The following PTH2 variants were observed in gnomAD, a reference collection of about 807,000 sequenced individuals.
PTH2 encodes the protein parathyroid hormone 2.
Under a neutral mutation model 6.2 loss-of-function variants are expected in PTH2, and 5 were observed. The ratio of observed to expected loss-of-function variants is 0.80; its 90% confidence interval spans 0.42 to 1.69. PTH2 has a LOEUF of 1.69. Ranked by LOEUF, PTH2 falls within the 40% of genes most tolerant of loss-of-function variation. PTH2 has a pLI of 0.02. For missense variants in PTH2, 156 were observed against 142.5 expected, an observed-to-expected ratio of 1.09 and a Z score of -0.48; for synonymous variants, 67 against 73.6, an observed-to-expected ratio of 0.91 and a Z score of 0.46.
At position 49,423,237 on chromosome 19, in the gene PTH2, C is replaced by A. The variant is rs1371724869; in HGVS notation, c.103G>T (p.Ala35Ser). ...CTGAGGACCCCGACCGGGGGCAGGG[C>A]GACTCCCGAGGCAGTGCGGACGCCC... The part of the protein sequence containing the change: ...PWGVRTASGV[A>S]LPPVGVLSLR... Residue 35 changes from alanine (A) to serine (S), a missense_variant, in exon 1 of 2, where the codon GCC becomes TCC. Ala to Ser is a moderately conservative substitution (Grantham distance 99). Coordinates refer to ENST00000270631, the MANE Select transcript of PTH2 (RefSeq NM_178449.4). The A allele has an allele frequency of 7.4e-6, 12 of 1,613,586 alleles. No homozygotes were observed. Among genetic ancestry groups the A allele is most frequent in the Non-Finnish European group, 1.0e-5 (12 of 1,179,794 alleles).
rs1434435869 is a variant in PTH2, at chr19:49,423,395, C to A, written c.-56G>T. On this transcript the variant is annotated 5_prime_UTR_variant, in exon 1 of 2. Transcript: ENST00000270631. Reference sequence around the variant, plus strand: ...AGGGCTGCATCCCGGCCCAGAACCCCGGGCCCCACCATGCATCCACCCCCA... The same window carrying A: ...AGGGCTGCATCCCGGCCCAGAACCCAGGGCCCCACCATGCATCCACCCCCA... 8.5e-6 allele frequency: 13 copies of A among 1,528,474 alleles called. No homozygotes were observed. The East Asian group carries it at 2.7e-4, about 32-fold the overall frequency. 94.7% of individuals were successfully genotyped at this position (1,528,474 alleles called of 1,614,324 possible). A position where few individuals can be genotyped will look rare whatever the true frequency, so the allele number is the denominator to read the frequency against.
In PTH2 at chr19:49,422,630, T is replaced by A. The variant is rs539467964; in HGVS notation, c.141A>T (p.Pro47=). ...TGGCGGGATCCGCCCAGGCCCGTCC[T>A]GGGGGGCGGAGGCTGTGGAGAGACG... ...PPVGVLSLRP[P]GRAWADPATP... is the part of the protein sequence containing the mutation. The change falls in exon 2 of 2, where the codon CCA becomes CCT. Residue 47 remains proline (P), a synonymous_variant. Coordinates refer to ENST00000270631, the MANE Select transcript of PTH2 (RefSeq NM_178449.4). 7.0e-7 allele frequency: 1 copy of A among 1,424,188 alleles called. No individual in the cohort carries two copies. The highest frequency in any genetic ancestry group is 1.6e-5 in the South Asian group (1 of 64,428). The allele number at this position is 1,424,188 out of a possible 1,614,324, so 88.2% of individuals were successfully genotyped here. A position where few individuals can be genotyped will look rare whatever the true frequency, so the allele number is the denominator to read the frequency against.
rs1047206715 is a variant in PTH2 at position 49,422,765 on chromosome 19, GTC to G, written c.129-125_129-124del. On this transcript the variant is annotated intron_variant, in intron 1 of 1. Transcript: ENST00000270631. ...GGAGTGGCTCGGTCCGGCTCCCCCT[GTC>G]TCTCTCGTTCTCTGTGTGGGTCTCT... is the stretch of plus-strand genomic sequence containing the variant. 88 of 890,644 alleles carry G rather than the reference GTC, an allele frequency of 9.9e-5. No individual in the cohort carries two copies. The African/African-American group carries it at 1.0e-3, about 10-fold the overall frequency. 55.2% of individuals were successfully genotyped at this position (890,644 alleles called of 1,614,324 possible). A position where few individuals can be genotyped will look rare whatever the true frequency, so the allele number is the denominator to read the frequency against.
In PTH2 at chr19:49,423,254, C is replaced by A; in HGVS notation, c.86G>T (p.Arg29Leu). The change falls in exon 1 of 2, where the codon CGC becomes CTC. Residue 29 changes from arginine (R) to leucine (L), a missense_variant. Coordinates refer to ENST00000270631, the MANE Select transcript of PTH2 (RefSeq NM_178449.4). ...GGGCAGGGCGACTCCCGAGGCAGTG[C>A]GGACGCCCCAGGGCACCACCAGCAG... ...LLLLVVPWGV[R>L]TASGVALPPV... 1 of 1,613,638 alleles carries A rather than the reference C, an allele frequency of 6.2e-7. No individual in the cohort carries two copies. Among genetic ancestry groups the A allele is most frequent in the Non-Finnish European group, 8.5e-7 (1 of 1,179,814 alleles).
chr19:49,422,456 C>A lies in PTH2; in HGVS notation c.*12G>T, dbSNP rs1187486993. The stretch of plus-strand genomic sequence containing the variant: ...GGCATGGTCTTTATTAAGATGGGGA[C>A]GGGCAGCGCGCTCAGGGCGCATCCA... On this transcript the variant is annotated 3_prime_UTR_variant, in exon 2 of 2. Transcript: ENST00000270631. 8 of 1,588,226 alleles carry A rather than the reference C, an allele frequency of 5.0e-6. No homozygotes were observed. Among genetic ancestry groups the A allele is most frequent in the East Asian group, 2.4e-5 (1 of 40,962 alleles).
chr19:49,423,166 C>A (rs1351415662), intron 1 of PTH2, 46 bp downstream of exon 1: 1 of 1,596,716 alleles, frequency 6.3e-7, no homozygotes, highest in Non-Finnish European at 8.6e-7. Context: ...CTTCCCACTT[C>A]TCCAAGTTCC....
chr19:49,423,224 A>T lies in PTH2; in HGVS notation c.116T>A (p.Val39Asp), dbSNP rs543205738. ...RTASGVALPP[V>D]GVLSLRPPGR... ...GACTGGCACCTACCTGAGGACCCCGACCGGGGGCAGGGCGACTCCCGAGGC... is the reference window on the plus strand; with the variant it reads ...GACTGGCACCTACCTGAGGACCCCGTCCGGGGGCAGGGCGACTCCCGAGGC... Residue 39 changes from valine (V) to aspartate (D), a missense_variant, in exon 1 of 2, where the codon GTC becomes GAC. Transcript: ENST00000270631. 1 of 1,612,644 alleles carries T rather than the reference A, an allele frequency of 6.2e-7. No homozygotes were observed. The highest frequency in any genetic ancestry group is 2.2e-5 in the East Asian group (1 of 44,804).
Position 49,423,314 on chromosome 19 carries a change from C to T in PTH2, c.26G>A (p.Ser9Asn), listed in dbSNP as rs758973161. 1.2e-6 allele frequency: 2 copies of T among 1,607,008 alleles called. No homozygotes were observed. Among genetic ancestry groups the T allele is most frequent in the East Asian group, 4.5e-5 (2 of 44,730 alleles). ...CAGCAGCAGCAGCCGAACCCGAGGGCTCCTGGACACCTGGCGGGTCTCCAT... is the reference window on the plus strand; with the variant it reads ...CAGCAGCAGCAGCCGAACCCGAGGGTTCCTGGACACCTGGCGGGTCTCCAT... METRQVSR[S>N]PRVRLLLLLL... is the part of the protein sequence containing the mutation. The change falls in exon 1 of 2, where the codon AGC (serine) becomes AAC (asparagine). Residue 9 changes from serine to asparagine, a missense_variant. Transcript: ENST00000270631.
At position 49,423,329 on chromosome 19, in the gene PTH2, C is replaced by T; in HGVS notation, c.11G>A (p.Arg4His). The T allele has an allele frequency of 1.3e-6, 2 of 1,597,390 alleles. No individual in the cohort carries two copies. The highest frequency in any genetic ancestry group is 1.1e-5 in the South Asian group (1 of 89,432). Residue 4 changes from arginine (R) to histidine (H), a missense_variant, in exon 1 of 2, where the codon CGC becomes CAC. Coordinates refer to ENST00000270631, the MANE Select transcript of PTH2 (RefSeq NM_178449.4). ...AACCCGAGGGCTCCTGGACACCTGGCGGGTCTCCATCACCTGTGGAGAACC... is the reference window on the plus strand; with the variant it reads ...AACCCGAGGGCTCCTGGACACCTGGTGGGTCTCCATCACCTGTGGAGAACC... METRQVSRSPRVRL... is the reference protein window; with the variant it reads METHQVSRSPRVRL...
rs954482524 is a variant in PTH2, at chr19:49,423,427, C to G, written c.-88G>C. ...CACCATGCATCCACCCCCAGCTTCC[C>G]GCACAGTCCCCTACCGTGCAGTGGG... is the stretch of plus-strand genomic sequence containing the variant. On this transcript the variant is annotated 5_prime_UTR_variant, in exon 1 of 2. Coordinates refer to ENST00000270631, the MANE Select transcript of PTH2 (RefSeq NM_178449.4). The G allele has an allele frequency of 4.7e-6, 7 of 1,486,724 alleles. No homozygotes were observed. Among genetic ancestry groups the G allele is most frequent in the Non-Finnish European group, 6.3e-6 (7 of 1,113,580 alleles). 92.1% of individuals were successfully genotyped at this position (1,486,724 alleles called of 1,614,324 possible). A position where few individuals can be genotyped will look rare whatever the true frequency, so the allele number is the denominator to read the frequency against.
At position 49,423,363 on chromosome 19, in the gene PTH2, G is replaced by A. The variant is rs775775052; in HGVS notation, c.-24C>T. 26 of 1,555,598 alleles carry A rather than the reference G, an allele frequency of 1.7e-5. No individual in the cohort carries two copies. Among genetic ancestry groups the A allele is most frequent in the Non-Finnish European group, 2.1e-5 (24 of 1,151,678 alleles). Reference sequence around the variant, plus strand: ...ATCACCTGTGGAGAACCAGAAAGGGGCTCAGTAGGGCTGCATCCCGGCCCA... The same window carrying A: ...ATCACCTGTGGAGAACCAGAAAGGGACTCAGTAGGGCTGCATCCCGGCCCA... On this transcript the variant is annotated 5_prime_UTR_variant, in exon 1 of 2. Transcript: ENST00000270631.
At chr19:49,423,182 C>T in intron 1 of PTH2, 30 bp downstream of exon 1, 2 of 1,608,478 alleles carry the variant, frequency 1.2e-6, no homozygotes, top group African/African-American at 2.7e-5. Flanking sequence ...GTTCCCACCC[C>T]TCCCTGGGAG....
chr19:49,422,565 G>A lies in PTH2; in HGVS notation c.206C>T (p.Ala69Val), dbSNP rs372839754. The change falls in exon 2 of 2, where the codon GCG becomes GTG. Residue 69 changes from alanine (A) to valine (V), a missense_variant. Ala to Val is a moderately conservative substitution (Grantham distance 64). Coordinates refer to ENST00000270631, the MANE Select transcript of PTH2 (RefSeq NM_178449.4). ...PRRSLALADDAAFRERARLLA... is the reference protein window; with the variant it reads ...PRRSLALADDVAFRERARLLA... ...CAACCGCGCGCGCTCCCGGAAGGCC[G>A]CGTCGTCCGCCAGCGCCAGGCTCCT... The A allele has an allele frequency of 1.3e-6, 2 of 1,589,800 alleles. No homozygotes were observed. The highest frequency in any genetic ancestry group is 1.1e-5 in the South Asian group (1 of 89,212).
In PTH2 at chr19:49,422,580, G is replaced by A; in HGVS notation, c.191C>T (p.Ala64Val). 6.3e-7 allele frequency: 1 copy of A among 1,575,086 alleles called. No individual in the cohort carries two copies. Among genetic ancestry groups the A allele is most frequent in the Non-Finnish European group, 8.6e-7 (1 of 1,164,516 alleles). The change falls in exon 2 of 2, where the codon GCG becomes GTG. Residue 64 changes from alanine to valine, a missense_variant. Transcript: ENST00000270631. ...CCGGAAGGCCGCGTCGTCCGCCAGC[G>A]CCAGGCTCCTCCGCGGCCTGGGGGT... is the stretch of plus-strand genomic sequence containing the variant. ...PATPRPRRSLALADDAAFRER... is the reference protein window; with the variant it reads ...PATPRPRRSLVLADDAAFRER...
rs565810836 is a variant in PTH2, at chr19:49,423,303, G to A, written c.37C>T (p.Arg13Trp). Residue 13 changes from arginine (R) to tryptophan (W), a missense_variant, in exon 1 of 2, where the codon CGG (arginine) becomes TGG (tryptophan). Arg to Trp is a moderately radical substitution (Grantham distance 101). Transcript: ENST00000270631. The part of the protein sequence containing the change: ...TRQVSRSPRV[R>W]LLLLLLLLLV... ...AGCAGCAGCAGCAGCAGCAGCAGCC[G>A]AACCCGAGGGCTCCTGGACACCTGG... 4 of 1,609,470 alleles carry A rather than the reference G, an allele frequency of 2.5e-6. No homozygotes were observed. The highest frequency in any genetic ancestry group is 2.5e-6 in the Non-Finnish European group (3 of 1,178,112).
In PTH2 at chr19:49,422,548, C is replaced by A. The variant is rs1473034225; in HGVS notation, c.223G>T (p.Ala75Ser). ...CGCTCGAGGGCGGCCAGCAACCGCGCGCGCTCCCGGAAGGCCGCGTCGTCC... is the reference window on the plus strand; with the variant it reads ...CGCTCGAGGGCGGCCAGCAACCGCGAGCGCTCCCGGAAGGCCGCGTCGTCC... ...LADDAAFRER[A>S]RLLAALERRH... The change falls in exon 2 of 2, where the codon GCG (alanine) becomes TCG (serine). Residue 75 changes from alanine (A) to serine (S), a missense_variant. Coordinates refer to ENST00000270631, the MANE Select transcript of PTH2 (RefSeq NM_178449.4). The A allele has an allele frequency of 6.3e-7, 1 of 1,594,706 alleles. No homozygotes were observed. Among genetic ancestry groups the A allele is most frequent in the Admixed American group, 1.7e-5 (1 of 57,810 alleles).
Position 49,422,439 on chromosome 19 carries a change from CTT to C in PTH2, c.*27_*28del. 3 of 1,584,624 alleles carry C rather than the reference CTT, an allele frequency of 1.9e-6. No homozygotes were observed. Among genetic ancestry groups the C allele is most frequent in the Non-Finnish European group, 2.6e-6 (3 of 1,168,722 alleles). Reference sequence around the variant, plus strand: ...CGCAGTCCGGAGCGCAGGGCATGGTCTTTATTAAGATGGGGACGGGCAGCGCG... The same window carrying C: ...CGCAGTCCGGAGCGCAGGGCATGGTCTATTAAGATGGGGACGGGCAGCGCG... On this transcript the variant is annotated 3_prime_UTR_variant, in exon 2 of 2. Coordinates refer to ENST00000270631, the MANE Select transcript of PTH2 (RefSeq NM_178449.4).
At position 49,423,273 on chromosome 19, in the gene PTH2, C is replaced by CCAGCAGCAGCAGCAGCAGCAG. The variant is rs72555384; in HGVS notation, c.46_66dup (p.Leu16_Leu22dup). On this transcript the variant is annotated inframe_insertion, in exon 1 of 2. Transcript: ENST00000270631. ...GCAGTGCGGACGCCCCAGGGCACCA[C>CCAGCAGCAGCAGCAGCAGCAG]CAGCAGCAGCAGCAGCAGCAGCAGC... 1.9e-6 allele frequency: 3 copies of CCAGCAGCAGCAGCAGCAGCAG among 1,580,886 alleles called. No individual in the cohort carries two copies. In the African/African-American group the frequency reaches 4.0e-5, roughly 21 times the overall value.
rs746747150 is a variant in PTH2 at position 49,423,231 on chromosome 19, G to T, written c.109C>A (p.Pro37Thr). 6.2e-7 allele frequency: 1 copy of T among 1,613,676 alleles called. No individual in the cohort carries two copies. The highest frequency in any genetic ancestry group is 1.1e-5 in the South Asian group (1 of 91,016). Residue 37 changes from proline (P) to threonine (T), a missense_variant, in exon 1 of 2, where the codon CCC becomes ACC. By Grantham distance (38) the Pro-to-Thr change is conservative. Transcript: ENST00000270631. ...GVRTASGVAL[P>T]PVGVLSLRPP... ...ACCTACCTGAGGACCCCGACCGGGG[G>T]CAGGGCGACTCCCGAGGCAGTGCGG...
Sources: allele counts gnomAD v4.1 joint callset, GRCh38; gene constraint gnomAD v4.1.1; transcripts MANE v1.5; gene names NCBI Gene and HGNC (gene_info 2026-07-23, HGNC 2026-07-21).